Variants in RBFOX1 observed in about 807,000 individuals in gnomAD.
RBFOX1 encodes RNA binding fox-1 homolog 1.
In RBFOX1, 8 loss-of-function variants were observed where a neutral mutation model predicts 57.7. The observed-to-expected ratio is 0.14, with a 90% CI of 0.08 to 0.25. The LOEUF is 0.25. RBFOX1 is among the 10% of genes least tolerant of loss of function. RBFOX1 has a pLI of 1.00. For synonymous variants in RBFOX1, 326 were observed against 222.4 expected, an observed-to-expected ratio of 1.47 and a Z score of -4.15; for missense variants, 611 against 548.5, an observed-to-expected ratio of 1.11 and a Z score of -1.14.
chr16:6,213,909 C>T (rs1342214376), intron 1 of RBFOX1, among the ~76,000 whole-genome samples: 5 of 152,154 alleles, frequency 3.3e-5, no homozygotes, highest in Non-Finnish European at 5.9e-5. Context: ...TGCTTAGCAG[C>T]ATCCCAGCTC....
At chr16:7,034,553 C>CTA (rs1431564187) in intron 3 of RBFOX1, among the ~76,000 whole-genome samples, 2 of 151,990 alleles carry the variant, frequency 1.3e-5, no homozygotes, top group Admixed American at 1.3e-4. Context: ...ATGAGGCTGC[C>CTA]TAGAGAGCCT....
chr16:5,930,457 G>A (rs1312605422), intron 4 of RBFOX1, among the ~76,000 whole-genome samples: 11 of 49,340 alleles, frequency 2.2e-4, no homozygotes, highest in Non-Finnish European at 3.6e-4. Context: ...TGGTTGGGTG[G>A]GTGGGAGGGT....
chr16:7,469,971 G>A (rs144912385), intron 4 of RBFOX1, among the ~76,000 whole-genome samples: 3 of 150,284 alleles, frequency 2.0e-5, no homozygotes, highest in African/African-American at 7.4e-5. Context: ...TTAGCATAAC[G>A]TCTTCAAGGT....
chr16:6,649,634 A>G (rs142571166), intron 2 of RBFOX1, among the ~76,000 whole-genome samples: 2 of 152,266 alleles, frequency 1.3e-5, no homozygotes, highest in East Asian at 3.9e-4. Context: ...TCCATTCGTG[A>G]CTTGTTTCAC....
intron 4 of RBFOX1, among the ~76,000 whole-genome samples, chr16:7,120,334 A>G (rs1330596814): frequency 1.6e-5 from 2 of 127,626 alleles, no homozygotes; most frequent in African/African-American, 7.2e-5. Flanking sequence ...GGGAATAGTA[A>G]ATGTAAGATT....
At chr16:6,037,617 C>G (rs189181258) in intron 1 of RBFOX1, 14 of 150,308 alleles carry the variant, frequency 9.3e-5, no homozygotes, top group African/African-American at 3.4e-4. Context: ...TTTTTGGAGA[C>G]GGAATCTCGC....
intron 4 of RBFOX1, among the ~76,000 whole-genome samples, chr16:7,311,806 C>CA (rs1313633290): frequency 6.6e-6 from 1 of 152,288 alleles, no homozygotes; most frequent in Admixed American, 6.5e-5. Flanking sequence ...CCCAAAAGTA[C>CA]AGGTTTTTTT....
intron 10 of RBFOX1, among the ~76,000 whole-genome samples, chr16:7,609,650 C>T (rs1053229171): frequency 1.3e-5 from 2 of 152,200 alleles, no homozygotes; most frequent in East Asian, 3.9e-4. Context: ...GTATTTAATG[C>T]TCATGGCGAT....
chr16:7,015,833 A>G (rs78717597), intron 3 of RBFOX1, among the ~76,000 whole-genome samples: 1 of 151,826 alleles, frequency 6.6e-6, no homozygotes, highest in African/African-American at 2.4e-5. Context: ...ATATTATTCC[A>G]CAATAAGCAA....
At chr16:6,628,032 G>C (rs781677534) in intron 2 of RBFOX1, among the ~76,000 whole-genome samples, 38 of 152,160 alleles carry the variant, frequency 2.5e-4, no homozygotes, top group Non-Finnish European at 4.7e-4. Context: ...GTGTGCAAAG[G>C]ACATCTCTGG....
chr16:7,353,601 A>G (rs2097165138), intron 4 of RBFOX1, among the ~76,000 whole-genome samples: 1 of 152,242 alleles, frequency 6.6e-6, no homozygotes, highest in African/African-American at 2.4e-5. Context: ...GAGATGATAT[A>G]GCATACAATG....
intron 3 of RBFOX1, among the ~76,000 whole-genome samples, chr16:6,771,412 G>A (rs770094946): frequency 6.6e-6 from 1 of 152,120 alleles, no homozygotes; most frequent in Non-Finnish European, 1.5e-5. Flanking sequence ...GCCCTGGCAA[G>A]CTAATACACT....
At chr16:6,149,940 T>G (rs1288623301) in intron 1 of RBFOX1, among the ~76,000 whole-genome samples, 4 of 152,198 alleles carry the variant, frequency 2.6e-5, no homozygotes, top group Non-Finnish European at 5.9e-5. Flanking sequence ...AGTAACTGAT[T>G]CAGATGGAGG....
chr16:7,025,725 C>G (rs1047048512), intron 3 of RBFOX1, among the ~76,000 whole-genome samples: 1 of 151,998 alleles, frequency 6.6e-6, no homozygotes, highest in East Asian at 1.9e-4. Context: ...GTCAGGACAT[C>G]CTAGCTGAGC....
At chr16:7,332,102 A>G (rs2096705628) in intron 4 of RBFOX1, among the ~76,000 whole-genome samples, 2 of 152,234 alleles carry the variant, frequency 1.3e-5, no homozygotes, top group Non-Finnish European at 1.5e-5. Flanking sequence ...AAATGTTATT[A>G]CAGACTGAAA....
intron 2 of RBFOX1, among the ~76,000 whole-genome samples, chr16:5,499,361 G>A (rs2043110219): frequency 6.6e-6 from 1 of 152,070 alleles, no homozygotes; most frequent in Non-Finnish European, 1.5e-5. Flanking sequence ...AACTCTCTCT[G>A]TCCAGGTCTC....
intron 1 of RBFOX1, among the ~76,000 whole-genome samples, chr16:5,390,705 C>T (rs1044369230): frequency 6.6e-6 from 1 of 152,172 alleles, no homozygotes; most frequent in Non-Finnish European, 1.5e-5. Flanking sequence ...TACCCCATCT[C>T]CAGGATGACC....
chr16:6,673,870 G>C (rs944891823), intron 3 of RBFOX1, among the ~76,000 whole-genome samples: 1 of 152,180 alleles, frequency 6.6e-6, no homozygotes, highest in Non-Finnish European at 1.5e-5. Flanking sequence ...GATATTAAGA[G>C]AAGAAGCAAA....
At position 7,709,200 on chromosome 16, in the gene RBFOX1, G is replaced by T; in HGVS notation, c.1071+69G>T. The T allele has an allele frequency of 2.8e-6, 4 of 1,435,008 alleles. No individual in the cohort carries two copies. The South Asian group carries it at 4.8e-5, about 17-fold the overall frequency. The allele number at this position is 1,435,008 out of a possible 1,614,324, so 88.9% of individuals were successfully genotyped here. The stretch of plus-strand genomic sequence containing the variant: ...TTCCCTTTCCCCAGCTGGGACCTCA[G>T]TACGGGTTGACGTCCTCTCACTTCC... On this transcript the variant is annotated intron_variant, in intron 15 of 15. Transcript: ENST00000550418.
Sources: gnomAD v4.1 joint callset for allele counts (sites outside exome capture counted in the v4.1 genomes callset) on GRCh38, gnomAD v4.1.1 for gene constraint, MANE v1.5 for transcripts, NCBI Gene and HGNC (gene_info 2026-07-23, HGNC 2026-07-21) for gene names.